The following AGR3 variants were observed in gnomAD, a reference collection of about 807,000 sequenced individuals.
The protein encoded by AGR3 is anterior gradient 3, protein disulphide isomerase family member.
Under a neutral mutation model 24.5 loss-of-function variants are expected in AGR3, and 37 were observed. The observed-to-expected ratio is 1.51, with a 90% CI of 1.16 to 1.99. The LOEUF is 1.99. AGR3 is among the 30% of genes most tolerant of loss of function. The pLI is 0.00. For synonymous variants in AGR3, 75 were observed against 61.6 expected, an observed-to-expected ratio of 1.22 and a Z score of -1.02; for missense variants, 228 against 191.1, an observed-to-expected ratio of 1.19 and a Z score of -1.14.
chr7:16,862,190 T>C, intron 4 of AGR3, 130 bp from the exon 5 acceptor site: 1 of 682,130 alleles, frequency 1.5e-6, no homozygotes, highest in South Asian at 2.0e-5. Flanking sequence ...AATAGTTCAT[T>C]GGCCTATTGC....
intron 3 of AGR3, chr7:16,865,980 T>C (rs2115303966): frequency 1.5e-6 from 1 of 676,600 alleles, no homozygotes; most frequent in South Asian, 1.5e-5. Context: ...ACTTCTTCAA[T>C]TATCTTTTCA....
At chr7:16,877,390 G>A (rs1217644748) in intron 2 of AGR3, among the ~76,000 whole-genome samples, 9 of 149,094 alleles carry the variant, frequency 6.0e-5, no homozygotes, top group African/African-American at 2.2e-4. Context: ...TTCCCACTTG[G>A]TTATTCAAAA....
chr7:16,854,693 T>A (rs913428148), downstream of AGR3, among the ~76,000 whole-genome samples: 7 of 152,142 alleles, frequency 4.6e-5, no homozygotes, highest in African/African-American at 1.7e-4. Context: ...GCTTAAACAG[T>A]CAATTTATTG....
chr7:16,857,440 A>C (rs57122365), downstream of AGR3, among the ~76,000 whole-genome samples: 42,182 of 152,052 alleles, frequency 0.28, 6,220 homozygotes, highest in South Asian at 0.39. Context: ...ATTCTTAAAA[A>C]AACTAAATTG....
intron 6 of AGR3, 152 bp from the exon 7 acceptor site, chr7:16,860,735 C>G (rs1350663447): frequency 8.4e-6 from 5 of 595,546 alleles, no homozygotes; most frequent in Non-Finnish European, 1.5e-5. Flanking sequence ...TGGGCTTCAG[C>G]TGAACCCAAC....
chr7:16,857,111 TC>T (rs1417007437), downstream of AGR3, among the ~76,000 whole-genome samples: 2 of 152,020 alleles, frequency 1.3e-5, no homozygotes, highest in African/African-American at 4.8e-5. Context: ...TGCCTCAGCT[TC>T]CCCAGTAGCA....
At chr7:16,863,367 C>T (rs528421174) in intron 3 of AGR3, among the ~76,000 whole-genome samples, 1 of 152,280 alleles carries the variant, frequency 6.6e-6, no homozygotes, top group Non-Finnish European at 1.5e-5. Context: ...GCTATTTTCA[C>T]ATCCTTTCAT....
chr7:16,865,771 A>G (rs1781747485), intron 3 of AGR3: 1 of 752,512 alleles, frequency 1.3e-6, no homozygotes, highest in Non-Finnish European at 2.5e-6. Context: ...TTGATTCAGT[A>G]TGAAACATTT....
At chr7:16,881,004 C>T (rs1002970659) in intron 1 of AGR3, among the ~76,000 whole-genome samples, 11 of 152,072 alleles carry the variant, frequency 7.2e-5, no homozygotes, top group Admixed American at 3.3e-4. Context: ...GTTCCTTTTC[C>T]GTGGGAATAG....
intron 3 of AGR3, chr7:16,865,974 C>T: frequency 1.5e-6 from 1 of 676,704 alleles, no homozygotes; most frequent in Non-Finnish European, 2.7e-6. Context: ...GTTTCAACTT[C>T]TTCAATTATC....
intron 3 of AGR3, among the ~76,000 whole-genome samples, chr7:16,869,367 T>G (rs1781821584): frequency 6.6e-6 from 1 of 152,192 alleles, no homozygotes; most frequent in African/African-American, 2.4e-5. Flanking sequence ...TGTTTTGTTT[T>G]GTTTTGTTTC....
chr7:16,864,230 C>A, intron 3 of AGR3: 1 of 1,221,560 alleles, frequency 8.2e-7, no homozygotes, highest in Non-Finnish European at 1.1e-6. Flanking sequence ...AAAAATGAAT[C>A]TGTGAAGTAG....
downstream of AGR3, among the ~76,000 whole-genome samples, chr7:16,856,573 C>G (rs1583831518): frequency 6.6e-6 from 1 of 152,148 alleles, no homozygotes; most frequent in East Asian, 1.9e-4. Context: ...CAACGCTGGA[C>G]TTTATCTAAT....
At chr7:16,877,335 A>T (rs1291284346) in intron 2 of AGR3, among the ~76,000 whole-genome samples, 2 of 147,806 alleles carry the variant, frequency 1.4e-5, no homozygotes, top group East Asian at 3.9e-4. Context: ...TGTTATAATT[A>T]TATATATTTT....
At chr7:16,867,247 A>G (rs548467212) in intron 3 of AGR3, among the ~76,000 whole-genome samples, 5 of 152,256 alleles carry the variant, frequency 3.3e-5, no homozygotes, top group African/African-American at 9.6e-5. Context: ...CCAGATGACT[A>G]TCAACTTCTG....
intron 3 of AGR3, among the ~76,000 whole-genome samples, chr7:16,863,629 G>A (rs922365477): frequency 6.6e-6 from 1 of 151,880 alleles, no homozygotes; most frequent in Non-Finnish European, 1.5e-5. Context: ...TCACATTTAT[G>A]TGTATGTATT....
intron 1 of AGR3, 74 bp from the exon 2 acceptor site, chr7:16,878,719 T>G (rs978315544): frequency 1.3e-5 from 15 of 1,155,980 alleles, no homozygotes; most frequent in Non-Finnish European, 1.8e-5. Context: ...TTGCTAAGAG[T>G]TGGACCAATA....
At chr7:16,870,491 C>T (rs1781844240) in intron 3 of AGR3, among the ~76,000 whole-genome samples, 1 of 151,902 alleles carries the variant, frequency 6.6e-6, no homozygotes, top group South Asian at 2.1e-4. Flanking sequence ...TATTTGTTTT[C>T]CCAGTAAGCA....
At chr7:16,867,860 C>CT (rs1781788462) in intron 3 of AGR3, among the ~76,000 whole-genome samples, 1 of 152,116 alleles carries the variant, frequency 6.6e-6, no homozygotes, top group African/African-American at 2.4e-5. Context: ...CCGATTTTAT[C>CT]TTTTTGATAC....
Sources: gnomAD v4.1 joint callset for allele counts (sites outside exome capture counted in the v4.1 genomes callset) on GRCh38, gnomAD v4.1.1 for gene constraint, MANE v1.5 for transcripts, NCBI Gene and HGNC (gene_info 2026-07-23, HGNC 2026-07-21) for gene names.